Variants in NEK4 observed in about 807,000 individuals in gnomAD.
NEK4 encodes the protein serine/threonine-protein kinase Nek4.
In NEK4, 86 loss-of-function variants were observed where a neutral mutation model predicts 98.4. The ratio of observed to expected loss-of-function variants is 0.87; its 90% CI spans 0.73 to 1.05. The LOEUF is 1.05. Ranked by LOEUF, NEK4 falls within the 50% of genes least tolerant of loss-of-function variation. The probability of loss-of-function intolerance (pLI) is 0.00; values close to 1 mark genes in which losing one functional copy is unlikely to be tolerated. For missense variants in NEK4, 898 were observed against 950.3 expected (o/e 0.94, Z 0.72); for synonymous variants, 328 against 342.2 (o/e 0.96, Z 0.46).
At chr3:52,728,464 C>T (rs2097366561) in intron 15 of NEK4, among the ~76,000 whole-genome samples, 1 of 152,184 alleles carries the variant, frequency 6.6e-6, no homozygotes, top group African/African-American at 2.4e-5. Context: ...TAATTTCTTA[C>T]CCCTGTTTTA....
intron 8 of NEK4, among the ~76,000 whole-genome samples, chr3:52,748,305 T>G (rs910943276): frequency 3.3e-5 from 5 of 152,126 alleles, no homozygotes; most frequent in African/African-American, 1.2e-4. Flanking sequence ...TGAGAAGTTG[T>G]CTTTCTCAAA....
chr3:52,758,070 T>G (rs1698196312), intron 6 of NEK4, among the ~76,000 whole-genome samples: 1 of 150,468 alleles, frequency 6.6e-6, no homozygotes, highest in African/African-American at 2.4e-5. Flanking sequence ...TCCCAGCTAT[T>G]CAGGGGGCTG....
In NEK4 at chr3:52,741,418, C is replaced by T. The variant is rs769765502; in HGVS notation, c.2086G>A (p.Gly696Arg). The change falls in exon 13 of 16, where the codon GGG becomes AGG. Residue 696 changes from glycine (G) to arginine (R), a missense_variant. Transcript: ENST00000233027. Reference protein sequence around the residue: ...SSTDKSDGDYGEGKGQTNEIN... With the variant: ...SSTDKSDGDYREGKGQTNEIN... ...AGAAAAACAAGAACTTACCCTTCCC[C>T]GTAATCCCCATCTGACTTATCAGTT... The T allele has an allele frequency of 1.5e-5, 24 of 1,592,976 alleles. No homozygotes were observed. Among genetic ancestry groups the T allele is most frequent in the Middle Eastern group, 1.7e-4 (1 of 6,030 alleles).
Position 52,770,899 on chromosome 3 carries a change from G to C in NEK4, c.-153C>G. 1.6e-6 allele frequency: 1 copy of C among 638,954 alleles called. No individual in the cohort carries two copies. Among genetic ancestry groups the C allele is most frequent in the East Asian group, 2.8e-5 (1 of 36,042 alleles). The allele number at this position is 638,954 out of a possible 1,614,324, so 39.6% of individuals were successfully genotyped here. ...GCGGGATTGCTGGGGCCCGGCCCGC[G>C]ACGACGCCGCTGCCATAGCGATCCG... On this transcript the variant is annotated 5_prime_UTR_variant, in exon 1 of 16. Coordinates refer to ENST00000233027, the MANE Select transcript of NEK4 (RefSeq NM_003157.6).
At position 52,739,503 on chromosome 3, in the gene NEK4, T is replaced by C; in HGVS notation, c.2225A>G (p.Tyr742Cys). 1 of 1,614,240 alleles carries C rather than the reference T, an allele frequency of 6.2e-7. No individual in the cohort carries two copies. Reference protein sequence around the residue: ...PVSEFKLHRKYRDTLILHGKV... With the variant: ...PVSEFKLHRKCRDTLILHGKV... The stretch of plus-strand genomic sequence containing the variant: ...CCCATGAAGTATCAGTGTGTCCCGA[T>C]ATTTCCGATGAAGTTTGAATTCTGA... Residue 742 changes from tyrosine (Y) to cysteine (C), a missense_variant, in exon 14 of 16, where the codon TAT (tyrosine) becomes TGT (cysteine). Coordinates refer to ENST00000233027, the MANE Select transcript of NEK4 (RefSeq NM_003157.6).
intron 8 of NEK4, among the ~76,000 whole-genome samples, chr3:52,748,824 C>T (rs1164630568): frequency 2.0e-5 from 3 of 152,092 alleles, no homozygotes; most frequent in South Asian, 2.1e-4. Context: ...GGCTCACACC[C>T]GTAATCACAG....
At chr3:52,758,648 T>A (rs1184230769) in intron 6 of NEK4, among the ~76,000 whole-genome samples, 2 of 150,138 alleles carry the variant, frequency 1.3e-5, no homozygotes, top group Admixed American at 6.6e-5. Context: ...AAGAAATTTT[T>A]AAAAACAAAA....
chr3:52,757,390 T>G lies in NEK4; in HGVS notation c.963+3405A>C, dbSNP rs148198692. Among the ~76,000 whole-genome samples, 211 of 152,090 alleles carry G rather than the reference T, an allele frequency of 1.4e-3. 1 individual carries two copies. The highest frequency in any genetic ancestry group is 4.7e-3 in the African/African-American group (193 of 41,500). On this transcript the variant is annotated intron_variant, in intron 6 of 15. Coordinates refer to ENST00000233027, the MANE Select transcript of NEK4 (RefSeq NM_003157.6). Reference sequence around the variant, plus strand: ...CTGGCCAACATGGTGAAATCCCATCTCTACTAAAAATACAAAAATTAGCTG... The same window carrying G: ...CTGGCCAACATGGTGAAATCCCATCGCTACTAAAAATACAAAAATTAGCTG...
intron 4 of NEK4, among the ~76,000 whole-genome samples, chr3:52,763,854 T>C (rs1465629333): frequency 1.3e-5 from 2 of 152,208 alleles, no homozygotes; most frequent in Non-Finnish European, 2.9e-5. Context: ...ACACTCTCAT[T>C]CAGAAATAAG....
chr3:52,712,740 TCTG>T (rs1307924620), intron 15 of NEK4, among the ~76,000 whole-genome samples: 1 of 152,156 alleles, frequency 6.6e-6, no homozygotes, highest in Non-Finnish European at 1.5e-5. Flanking sequence ...TCCACCTCGT[TCTG>T]CTGGTCGATG....
intron 15 of NEK4, among the ~76,000 whole-genome samples, chr3:52,736,882 T>C (rs1487807916): frequency 4.6e-5 from 7 of 152,216 alleles, no homozygotes; most frequent in African/African-American, 2.4e-5. Flanking sequence ...GGCACTATAA[T>C]TTCTAAATTT....
intron 15 of NEK4, among the ~76,000 whole-genome samples, chr3:52,732,279 C>T (rs1376251401): frequency 1.3e-5 from 2 of 152,112 alleles, no homozygotes; most frequent in South Asian, 2.1e-4. Context: ...CTGCAAGCTC[C>T]GCCTCCTGGG....
intron 15 of NEK4, among the ~76,000 whole-genome samples, chr3:52,728,731 AC>A (rs1375120791): frequency 6.6e-6 from 1 of 152,204 alleles, no homozygotes; most frequent in Non-Finnish European, 1.5e-5. Context: ...CTATAAACAG[AC>A]ATGCAAGTAG....
At chr3:52,734,452 C>CAAAA (rs76013023) in intron 15 of NEK4, among the ~76,000 whole-genome samples, 1 of 100,614 alleles carries the variant, frequency 9.9e-6, no homozygotes, top group African/African-American at 3.8e-5. Flanking sequence ...GACTCCAACT[C>CAAAA]AAAAAAAAAA....
At chr3:52,766,064 A>C (rs1307495147) in intron 3 of NEK4, 70 bp from the exon 4 acceptor site, 2 of 1,461,110 alleles carry the variant, frequency 1.4e-6, no homozygotes, top group Admixed American at 3.9e-5. Context: ...CTTTAAAAAA[A>C]GAAAACATTT....
At chr3:52,715,092 G>C (rs534600149) in intron 15 of NEK4, among the ~76,000 whole-genome samples, 1 of 152,224 alleles carries the variant, frequency 6.6e-6, no homozygotes, top group Non-Finnish European at 1.5e-5. Context: ...CCCACCTTCC[G>C]GCCAGGGAGG....
intron 1 of NEK4, among the ~76,000 whole-genome samples, chr3:52,769,029 G>A (rs772353432): frequency 6.6e-6 from 1 of 152,100 alleles, no homozygotes; most frequent in Non-Finnish European, 1.5e-5. Context: ...AGACCAGCCT[G>A]GTCAACATGG....
At chr3:52,761,649 CT>C (rs1427516081) in intron 5 of NEK4, among the ~76,000 whole-genome samples, 1 of 152,150 alleles carries the variant, frequency 6.6e-6, no homozygotes, top group Non-Finnish European at 1.5e-5. Context: ...GGTATGTAAT[CT>C]GGTAATCACA....
intron 6 of NEK4, among the ~76,000 whole-genome samples, chr3:52,759,730 C>A (rs1698284414): frequency 6.6e-6 from 1 of 152,102 alleles, no homozygotes; most frequent in Non-Finnish European, 1.5e-5. Flanking sequence ...TTTGACTCAG[C>A]AATTCCACTG....
Sources: allele counts gnomAD v4.1 joint callset (sites outside exome capture counted in the v4.1 genomes callset), GRCh38; gene constraint gnomAD v4.1.1; transcripts MANE v1.5; gene names NCBI Gene and HGNC (gene_info 2026-07-23, HGNC 2026-07-21).